CCDC122: variants seen among roughly 807,000 people sequenced by gnomAD.
CCDC122 encodes the protein coiled-coil domain containing 122.
A neutral mutation model predicts 37.0 loss-of-function variants in CCDC122; 38 were observed. The observed-to-expected ratio is 1.03, with a 90% confidence interval of 0.79 to 1.35. CCDC122 has a LOEUF of 1.35. Ranked by LOEUF, CCDC122 falls within the 40% of genes most tolerant of loss-of-function variation. The pLI, the probability that CCDC122 is intolerant of heterozygous loss-of-function variation, is 0.00. For synonymous variants in CCDC122, 83 were observed against 95.6 expected, an observed-to-expected ratio of 0.87 and a Z score of 0.77; for missense variants, 305 against 310.0, an observed-to-expected ratio of 0.98 and a Z score of 0.12.
downstream of CCDC122, among the ~76,000 whole-genome samples, chr13:43,819,059 G>A (rs1015355989): frequency 2.0e-5 from 3 of 152,072 alleles, no homozygotes; most frequent in Non-Finnish European, 4.4e-5. Flanking sequence ...AAAAAGAAAT[G>A]CTTATGGCCT....
chr13:43,865,555 C>T (rs563506625), intron 4 of CCDC122, among the ~76,000 whole-genome samples: 21 of 151,954 alleles, frequency 1.4e-4, no homozygotes, highest in African/African-American at 4.1e-4. Context: ...ATAATTATAA[C>T]GATATACTAT....
chr13:43,831,807 T>C (rs996044414), downstream of CCDC122, among the ~76,000 whole-genome samples: 2 of 152,190 alleles, frequency 1.3e-5, no homozygotes, highest in Non-Finnish European at 2.9e-5. Flanking sequence ...AATTAAGAGG[T>C]TGAAGTCTCA....
At chr13:43,835,286 AACATCACAC>A (rs1953134706), downstream of CCDC122, among the ~76,000 whole-genome samples, 5 of 152,128 alleles carry the variant, frequency 3.3e-5, no homozygotes, top group South Asian at 1.0e-3. Context: ...CAGGAAGGGG[AACATCACAC>A]ACTGGGGCCT....
chr13:43,823,557 G>A (rs1256131028), downstream of CCDC122, among the ~76,000 whole-genome samples: 1 of 152,230 alleles, frequency 6.6e-6, no homozygotes, highest in African/African-American at 2.4e-5. Flanking sequence ...TACTCTTCAA[G>A]TTTACCTAGG....
chr13:43,828,113 C>T (rs1953056921), intron 3 of CCDC122, among the ~76,000 whole-genome samples: 1 of 151,916 alleles, frequency 6.6e-6, no homozygotes, highest in Non-Finnish European at 1.5e-5. Flanking sequence ...GGCTTTTTTT[C>T]TTCTGACTTT....
chr13:43,866,895 T>G (rs1391814051), intron 4 of CCDC122, among the ~76,000 whole-genome samples: 1 of 152,202 alleles, frequency 6.6e-6, no homozygotes, highest in African/African-American at 2.4e-5. Context: ...TACTTCTTTC[T>G]TTCTAAACTG....
chr13:43,859,735 T>C lies in CCDC122; in HGVS notation c.492A>G (p.Thr164=), dbSNP rs1954045662. 6.3e-7 allele frequency: 1 copy of C among 1,595,660 alleles called. No individual in the cohort carries two copies. Among genetic ancestry groups the C allele is most frequent in the Non-Finnish European group, 8.5e-7 (1 of 1,174,678 alleles). The part of the protein sequence containing the change: ...EKRDFVKKLK[T]MKEELMQDLQ... ...GATCTTGCATAAGTTCTTCTTTCAT[T>C]GTCTTTAATTTTTTAACAAAATCTC... is the stretch of plus-strand genomic sequence containing the variant. Residue 164 remains threonine (T), a synonymous_variant, in exon 5 of 7, where the codon ACA becomes ACG. Coordinates refer to ENST00000444614, the MANE Select transcript of CCDC122 (RefSeq NM_144974.5).
intron 6 of CCDC122, among the ~76,000 whole-genome samples, chr13:43,845,502 G>C (rs947379674): frequency 6.6e-6 from 1 of 152,198 alleles, no homozygotes; most frequent in Non-Finnish European, 1.5e-5. Flanking sequence ...CCTGAAGTCA[G>C]GAGTACAAGA....
chr13:43,822,333 A>C (rs1006154400), downstream of CCDC122, among the ~76,000 whole-genome samples: 6 of 152,162 alleles, frequency 3.9e-5, no homozygotes, highest in African/African-American at 1.2e-4. Flanking sequence ...AGTTCCCTGA[A>C]ACTGGGGGTG....
At chr13:43,879,389 A>C (rs1356617530) in intron 1 of CCDC122, 1 of 152,418 alleles carries the variant, frequency 6.6e-6, no homozygotes. Context: ...CCCTTTCCGG[A>C]CTCGGCCTGC....
At chr13:43,845,652 C>T (rs1953498463) in intron 6 of CCDC122, among the ~76,000 whole-genome samples, 1 of 152,230 alleles carries the variant, frequency 6.6e-6, no homozygotes, top group Non-Finnish European at 1.5e-5. Context: ...GCAGAGGCTG[C>T]AGTGAGCTGA....
At chr13:43,848,774 A>G (rs1218299939) in intron 6 of CCDC122, 4 of 772,748 alleles carry the variant, frequency 5.2e-6, no homozygotes, top group Non-Finnish European at 6.3e-6. Context: ...TATGAGAACC[A>G]AAATATGTAA....
chr13:43,865,871 T>G (rs1028151781), intron 4 of CCDC122, among the ~76,000 whole-genome samples: 1 of 152,200 alleles, frequency 6.6e-6, no homozygotes, highest in Admixed American at 6.5e-5. Flanking sequence ...AGTTAAGAAC[T>G]TTCACCTTCT....
intron 1 of CCDC122, among the ~76,000 whole-genome samples, chr13:43,878,918 GAAAC>G (rs1023394518): frequency 6.6e-6 from 1 of 152,100 alleles, no homozygotes; most frequent in African/African-American, 2.4e-5. Context: ...CTTGTTTCTG[GAAAC>G]AAATGAACAA....
At chr13:43,873,647 C>T (rs1397900589) in intron 2 of CCDC122, among the ~76,000 whole-genome samples, 4 of 152,214 alleles carry the variant, frequency 2.6e-5, no homozygotes, top group Non-Finnish European at 2.9e-5. Context: ...CCAGAACCTT[C>T]ACTCTTTTTC....
At chr13:43,853,188 G>A (rs1249905144) in intron 6 of CCDC122, among the ~76,000 whole-genome samples, 1 of 152,154 alleles carries the variant, frequency 6.6e-6, no homozygotes, top group Non-Finnish European at 1.5e-5. Flanking sequence ...AAGGGACAGA[G>A]TGGCAAGCTG....
chr13:43,849,088 T>G (rs1238968904), intron 6 of CCDC122: 1 of 880,916 alleles, frequency 1.1e-6, no homozygotes, highest in Non-Finnish European at 1.4e-6. Context: ...TAATTTGTTG[T>G]GAAGAATCTT....
chr13:43,858,876 C>A lies in CCDC122; in HGVS notation c.577G>T (p.Asp193Tyr). Residue 193 changes from aspartate (D) to tyrosine (Y), a missense_variant, in exon 6 of 7, where the codon GAT becomes TAT. Physicochemically the swap from Asp to Tyr is radical, Grantham distance 160. Transcript: ENST00000444614. Reference protein sequence around the residue: ...QVQEDITNLKDKIITVKESII... With the variant: ...QVQEDITNLKYKIITVKESII... Reference sequence around the variant, plus strand: ...GATTCTTTTACAGTTATAATTTTATCCTTTAAGTTTGTAATGTCTTCCTGT... The same window carrying A: ...GATTCTTTTACAGTTATAATTTTATACTTTAAGTTTGTAATGTCTTCCTGT... 1 of 1,395,348 alleles carries A rather than the reference C, an allele frequency of 7.2e-7. No individual in the cohort carries two copies. Among genetic ancestry groups the A allele is most frequent in the Non-Finnish European group, 9.6e-7 (1 of 1,041,750 alleles). The allele number at this position is 1,395,348 out of a possible 1,614,324, so 86.4% of individuals were successfully genotyped here.
chr13:43,826,812 A>G (rs1328430299), intron 3 of CCDC122, among the ~76,000 whole-genome samples: 1 of 152,230 alleles, frequency 6.6e-6, no homozygotes, highest in African/African-American at 2.4e-5. Flanking sequence ...GAAAGCTATA[A>G]AGCATATCAT....
Sources: gnomAD v4.1 joint callset for allele counts (sites outside exome capture counted in the v4.1 genomes callset) on GRCh38, gnomAD v4.1.1 for gene constraint, MANE v1.5 for transcripts, NCBI Gene and HGNC (gene_info 2026-07-23, HGNC 2026-07-21) for gene names.